Variants in VANGL2 observed in about 807,000 individuals in gnomAD.
The protein encoded by VANGL2 is VANGL planar cell polarity protein 2.
A neutral mutation model predicts 50.2 loss-of-function variants in VANGL2; 14 were observed. That is an observed-to-expected ratio of 0.28 (90% CI 0.18 to 0.44). The LOEUF (loss-of-function observed/expected upper bound fraction) is 0.44, where lower values mean the gene tolerates loss of function less well. VANGL2 is among the 20% of genes least tolerant of loss of function. The pLI is 1.00. For missense variants in VANGL2, 533 were observed against 701.5 expected (o/e 0.76, Z 2.71); for synonymous variants, 295 against 297.2 (o/e 0.99, Z 0.08).
chr1:160,403,139 T>A (rs1650537899), intron 1 of VANGL2, among the ~76,000 whole-genome samples: 1 of 124,776 alleles, frequency 8.0e-6, no homozygotes, highest in African/African-American at 3.1e-5. Context: ...AAAAGACCTT[T>A]AAAAGACCTT....
At position 160,415,922 on chromosome 1, in the gene VANGL2, C is replaced by T. The variant is rs3737797; in HGVS notation, c.71+14C>T. 1.9e-3 allele frequency: 3,144 copies of T among 1,614,144 alleles called. 30 individuals carry two copies. In the East Asian group the frequency reaches 0.027, roughly 14 times the overall value. On this transcript the variant is annotated intron_variant, in intron 2 of 7. Coordinates refer to ENST00000368061, the MANE Select transcript of VANGL2 (RefSeq NM_020335.3). Reference sequence around the variant, plus strand: ...CCGCAAGCACAGGTGGGCAGGCATGCAGGGTGACATGCGTGGCGGAGGGAG... The same window carrying T: ...CCGCAAGCACAGGTGGGCAGGCATGTAGGGTGACATGCGTGGCGGAGGGAG...
intron 7 of VANGL2, 78 bp downstream of exon 7, chr1:160,424,361 C>G (rs1032285727): frequency 1.4e-6 from 2 of 1,386,984 alleles, no homozygotes; most frequent in Admixed American, 1.9e-5. Context: ...CCCTTATTCT[C>G]TCACTACTTT....
At chr1:160,416,895 AGATT>A (rs933522788) in intron 3 of VANGL2, among the ~76,000 whole-genome samples, 13 of 152,142 alleles carry the variant, frequency 8.5e-5, no homozygotes, top group Non-Finnish European at 1.5e-4. Flanking sequence ...TGGGGGCTGG[AGATT>A]CCCAGCTCCT....
At chr1:160,409,563 C>A (rs555733631) in intron 1 of VANGL2, among the ~76,000 whole-genome samples, 27 of 152,330 alleles carry the variant, frequency 1.8e-4, no homozygotes, top group Admixed American at 4.6e-4. Context: ...GCATTTTCAA[C>A]CCACACCCAT....
At chr1:160,413,099 A>G (rs957036948) in intron 1 of VANGL2, among the ~76,000 whole-genome samples, 2 of 152,168 alleles carry the variant, frequency 1.3e-5, no homozygotes, top group Admixed American at 1.3e-4. Flanking sequence ...TTTCTCAGAA[A>G]GTATCCCTGT....
chr1:160,416,876 G>T (rs1182593136), intron 3 of VANGL2, among the ~76,000 whole-genome samples: 7 of 152,156 alleles, frequency 4.6e-5, no homozygotes, highest in Non-Finnish European at 1.0e-4. Context: ...TTCCCCTTGG[G>T]ATCATCTTTG....
At chr1:160,417,242 C>T (rs370323611) in intron 3 of VANGL2, among the ~76,000 whole-genome samples, 2 of 152,184 alleles carry the variant, frequency 1.3e-5, no homozygotes, top group Non-Finnish European at 2.9e-5. Flanking sequence ...GAGGAGGTTC[C>T]TCAACCTCCC....
intron 1 of VANGL2, among the ~76,000 whole-genome samples, chr1:160,414,138 C>T (rs944020580): frequency 6.6e-6 from 1 of 152,224 alleles, no homozygotes; most frequent in African/African-American, 2.4e-5. Flanking sequence ...CAGTCGCCTC[C>T]TTATTGATCT....
At position 160,416,077 on chromosome 1, in the gene VANGL2, A is replaced by G; in HGVS notation, c.87A>G (p.Arg29=). ...CCTGCCGCAGGGACCGCCGGGACCG[A>G]CACCGCTCTAAGAGTCGAGATGGGG... ...SSRKHRDRRD[R]HRSKSRDGGR... is the part of the protein sequence containing the mutation. The change falls in exon 3 of 8, where the codon CGA becomes CGG. Residue 29 remains arginine (R), a synonymous_variant. Coordinates refer to ENST00000368061, the MANE Select transcript of VANGL2 (RefSeq NM_020335.3). The G allele has an allele frequency of 6.2e-7, 1 of 1,614,188 alleles. No homozygotes were observed. The highest frequency in any genetic ancestry group is 8.5e-7 in the Non-Finnish European group (1 of 1,180,026).
chr1:160,418,767 G>A (rs868641063), intron 3 of VANGL2, among the ~76,000 whole-genome samples: 5 of 152,168 alleles, frequency 3.3e-5, no homozygotes, highest in African/African-American at 9.7e-5. Context: ...CCAGCTCCCC[G>A]AGGGCTCGGG....
intron 1 of VANGL2, among the ~76,000 whole-genome samples, chr1:160,412,470 T>C (rs1650912686): frequency 6.6e-6 from 1 of 152,152 alleles, no homozygotes; most frequent in African/African-American, 2.4e-5. Context: ...GCAGGTCAGA[T>C]GTCTAAACTA....
At chr1:160,420,931 A>G (rs41266893) in intron 5 of VANGL2, 121 bp from the exon 6 acceptor site, 17,441 of 1,434,142 alleles carry the variant, frequency 0.012, 155 homozygotes, top group Middle Eastern at 0.014. Context: ...ATTAGGAGGT[A>G]TTGCTGGGTG....
chr1:160,424,450 C>T lies in VANGL2; in HGVS notation c.1305+167C>T, dbSNP rs1341932199. On this transcript the variant is annotated intron_variant, in intron 7 of 7. Transcript: ENST00000368061. ...TCTCTCATTCCTATTCCACCTGCCCCATCTGTGTGGGGTGAAGTCTTTAGG... is the reference window on the plus strand; with the variant it reads ...TCTCTCATTCCTATTCCACCTGCCCTATCTGTGTGGGGTGAAGTCTTTAGG... Among the ~76,000 whole-genome samples, 3 of 152,186 alleles carry T rather than the reference C, an allele frequency of 2.0e-5. No homozygotes were observed. In the East Asian group the frequency reaches 5.8e-4, roughly 29 times the overall value.
At position 160,428,599 on chromosome 1, in the gene VANGL2, A is replaced by T. The variant is rs1651561583; in HGVS notation, c.*3221A>T. 1 of 152,258 alleles carries T rather than the reference A, an allele frequency of 6.6e-6. No homozygotes were observed. Among genetic ancestry groups the T allele is most frequent in the Non-Finnish European group, 1.5e-5 (1 of 67,994 alleles). 9.4% of individuals were successfully genotyped at this position (152,258 alleles called of 1,614,324 possible). ...ATCTAAACATTACGGCAATTTTAGG[A>T]TTTTTTTCTTAAACATAGGAACTAA... On this transcript the variant is annotated 3_prime_UTR_variant, in exon 8 of 8. Coordinates refer to ENST00000368061, the MANE Select transcript of VANGL2 (RefSeq NM_020335.3).
At chr1:160,406,038 A>G (rs1046571218) in intron 1 of VANGL2, among the ~76,000 whole-genome samples, 12 of 152,154 alleles carry the variant, frequency 7.9e-5, no homozygotes, top group African/African-American at 2.4e-4. Context: ...TTTTTTAAGC[A>G]TCTATTGTGT....
chr1:160,414,297 C>T (rs1650981734), intron 1 of VANGL2, among the ~76,000 whole-genome samples: 1 of 152,236 alleles, frequency 6.6e-6, no homozygotes, highest in Non-Finnish European at 1.5e-5. Context: ...CACCCACTCT[C>T]TTCCTCAACT....
At chr1:160,413,467 T>C (rs1390469374) in intron 1 of VANGL2, among the ~76,000 whole-genome samples, 5 of 152,080 alleles carry the variant, frequency 3.3e-5, no homozygotes, top group Non-Finnish European at 5.9e-5. Context: ...TTTCATCATC[T>C]TGGCCAGGCT....
chr1:160,403,112 G>A (rs1385093760), intron 1 of VANGL2, among the ~76,000 whole-genome samples: 1 of 151,716 alleles, frequency 6.6e-6, no homozygotes, highest in African/African-American at 2.4e-5. Context: ...GAGGAACGGG[G>A]AACGGGGCAG....
At position 160,419,710 on chromosome 1, in the gene VANGL2, G is replaced by T. The variant is rs1238304159; in HGVS notation, c.800+101G>T. 6 of 1,482,474 alleles carry T rather than the reference G, an allele frequency of 4.0e-6. No individual in the cohort carries two copies. In the South Asian group the frequency reaches 6.6e-5, roughly 16 times the overall value. 91.8% of individuals were successfully genotyped at this position (1,482,474 alleles called of 1,614,324 possible). On this transcript the variant is annotated intron_variant, in intron 4 of 7. Transcript: ENST00000368061. This position sits in a 1 kb window ranked among gnomAD's most constrained non-coding sequence, Gnocchi z 5.8. ...GGTATGATGGTGGGCTGGAGGTGAT[G>T]GGCTTGGAGGGTTGTGTGGGAGGGA...
Sources: allele counts gnomAD v4.1 joint callset (sites outside exome capture counted in the v4.1 genomes callset), GRCh38; gene constraint gnomAD v4.1.1; non-coding constraint Gnocchi (gnomAD v3.1); transcripts MANE v1.5; gene names NCBI Gene and HGNC (gene_info 2026-07-23, HGNC 2026-07-21).